SYT17: variants seen among roughly 807,000 people sequenced by gnomAD.
SYT17 encodes the protein synaptotagmin-17.
SYT17 carries 22 observed loss-of-function variants against 46.7 expected under a neutral mutation model. That is an observed-to-expected ratio of 0.47 (90% CI 0.34 to 0.67). SYT17 has a LOEUF of 0.67. SYT17 is among the 30% of genes least tolerant of loss of function. The probability of loss-of-function intolerance (pLI) is 0.01; values close to 1 mark genes in which losing one functional copy is unlikely to be tolerated. For missense variants in SYT17, 519 were observed against 612.8 expected (o/e 0.85, Z 1.62); for synonymous variants, 251 against 248.4 (o/e 1.01, Z -0.10).
intron 7 of SYT17, among the ~76,000 whole-genome samples, chr16:19,227,869 C>T (rs1383298857): frequency 6.6e-6 from 1 of 152,168 alleles, no homozygotes; most frequent in Non-Finnish European, 1.5e-5. Context: ...CCTGCCCTGG[C>T]GGAGCTTACC....
intron 7 of SYT17, among the ~76,000 whole-genome samples, chr16:19,255,469 T>C (rs1968494372): frequency 6.6e-6 from 1 of 152,042 alleles, no homozygotes; most frequent in African/African-American, 2.4e-5. Flanking sequence ...GGGGTAAAAT[T>C]GGCCCCTGTT....
chr16:19,228,584 T>C (rs1966576806), intron 7 of SYT17, among the ~76,000 whole-genome samples: 3 of 152,216 alleles, frequency 2.0e-5, no homozygotes, highest in Admixed American at 1.3e-4. Context: ...TAAGTAGCTA[T>C]TTTTTAAAAA....
intron 7 of SYT17, among the ~76,000 whole-genome samples, chr16:19,238,053 G>C (rs1596999882): frequency 6.6e-6 from 1 of 152,194 alleles, no homozygotes; most frequent in African/African-American, 2.4e-5. Context: ...GCTGTTGAGA[G>C]GAGAATCATC....
chr16:19,254,195 A>G (rs1968395617), intron 7 of SYT17, among the ~76,000 whole-genome samples: 1 of 152,080 alleles, frequency 6.6e-6, no homozygotes, highest in African/African-American at 2.4e-5. Context: ...CACAGGCACC[A>G]CCCTCTGCAA....
At chr16:19,236,955 A>G (rs1305741680) in intron 7 of SYT17, among the ~76,000 whole-genome samples, 1 of 152,196 alleles carries the variant, frequency 6.6e-6, no homozygotes, top group Admixed American at 6.5e-5. Context: ...TAGAGCCCCA[A>G]TCATAAATCA....
intron 4 of SYT17, among the ~76,000 whole-genome samples, chr16:19,180,744 A>G (rs1336452678): frequency 2.0e-5 from 3 of 152,304 alleles, no homozygotes; most frequent in South Asian, 2.1e-4. Context: ...ATCAAAAGCA[A>G]TCATTTTGAT....
At chr16:19,247,159 T>C (rs999534037) in intron 7 of SYT17, among the ~76,000 whole-genome samples, 3 of 152,160 alleles carry the variant, frequency 2.0e-5, no homozygotes, top group South Asian at 2.1e-4. Flanking sequence ...GATCAAGTGA[T>C]TGAGGTGGAG....
chr16:19,173,637 G>A lies in SYT17; in HGVS notation c.182+59G>A, dbSNP rs569335439. 14 of 1,575,996 alleles carry A rather than the reference G, an allele frequency of 8.9e-6. No individual in the cohort carries two copies. In the African/African-American group the frequency reaches 1.6e-4, roughly 18 times the overall value. ...AATTTCAAGACTTTTCCTTTTTAATGAGAAGGCGGGTTGGGGGTCTGGGCC... is the reference window on the plus strand; with the variant it reads ...AATTTCAAGACTTTTCCTTTTTAATAAGAAGGCGGGTTGGGGGTCTGGGCC... On this transcript the variant is annotated intron_variant, in intron 3 of 7. Coordinates refer to ENST00000355377, the MANE Select transcript of SYT17 (RefSeq NM_016524.4).
intron 5 of SYT17, among the ~76,000 whole-genome samples, chr16:19,222,530 C>T (rs896176557): frequency 1.3e-5 from 2 of 151,688 alleles, no homozygotes; most frequent in Non-Finnish European, 2.9e-5. Context: ...ATTTCTCACT[C>T]AGTTCCTCTG....
intron 7 of SYT17, among the ~76,000 whole-genome samples, chr16:19,227,531 A>G (rs1044448642): frequency 2.6e-5 from 4 of 151,948 alleles, no homozygotes; most frequent in Non-Finnish European, 5.9e-5. Context: ...TGGCCAGGCC[A>G]GTCTCAAACT....
At chr16:19,227,505 C>T (rs929282631) in intron 7 of SYT17, among the ~76,000 whole-genome samples, 5 of 152,088 alleles carry the variant, frequency 3.3e-5, no homozygotes, top group South Asian at 2.1e-4. Context: ...TTTGTAGAGA[C>T]GGGGTTTTAC....
Position 19,180,516 on chromosome 16 carries a change from A to C in SYT17, c.308A>C (p.Tyr103Ser). Residue 103 changes from tyrosine to serine, a missense_variant, in exon 4 of 8, where the codon TAC becomes TCC. Tyr to Ser is a moderately radical substitution (Grantham distance 144). Transcript: ENST00000355377. ...RSSSDTSKST[Y>S]SLTRRISSLE... ...TCCTCAGACACATCCAAGTCTACAT[A>C]CAGCCTGACGCGGAGGATTTCGAGT... 6.2e-7 allele frequency: 1 copy of C among 1,614,190 alleles called. No homozygotes were observed. The highest frequency in any genetic ancestry group is 8.5e-7 in the Non-Finnish European group (1 of 1,180,030).
chr16:19,184,723 G>C (rs1964713686), intron 5 of SYT17, among the ~76,000 whole-genome samples: 1 of 152,034 alleles, frequency 6.6e-6, no homozygotes, highest in Admixed American at 6.6e-5. Flanking sequence ...CCACCACTCT[G>C]GAAGCCTTTT....
intron 5 of SYT17, among the ~76,000 whole-genome samples, chr16:19,200,192 C>T (rs1392282370): frequency 6.6e-6 from 1 of 152,248 alleles, no homozygotes; most frequent in Non-Finnish European, 1.5e-5. Flanking sequence ...TCCCCATGGA[C>T]TTCTCTCTAG....
chr16:19,227,926 A>G (rs1053028778), intron 7 of SYT17, among the ~76,000 whole-genome samples: 2 of 152,196 alleles, frequency 1.3e-5, no homozygotes, highest in Non-Finnish European at 2.9e-5. Context: ...GGTTTAATTA[A>G]CAATGAATGT....
In SYT17 at chr16:19,168,390, C is replaced by CG. The variant is rs965089401; in HGVS notation, c.-252dup. ...CACGGGACAGCGAGGGAGGCCGAGGCGGGGGCCCTGGGCGCCCGATATCTC... is the reference window on the plus strand; with the variant it reads ...CACGGGACAGCGAGGGAGGCCGAGGCGGGGGGCCCTGGGCGCCCGATATCTC... On this transcript the variant is annotated 5_prime_UTR_variant, in exon 1 of 8. Transcript: ENST00000355377. This position sits in a 1 kb window ranked among gnomAD's most constrained non-coding sequence, Gnocchi z 6.9. The CG allele has an allele frequency of 3.6e-6, 2 of 554,036 alleles. No homozygotes were observed. Among genetic ancestry groups the CG allele is most frequent in the Non-Finnish European group, 6.3e-6 (2 of 316,586 alleles). The allele number at this position is 554,036 out of a possible 1,614,324, so 34.3% of individuals were successfully genotyped here. A position where few individuals can be genotyped will look rare whatever the true frequency, so the allele number is the denominator to read the frequency against.
chr16:19,204,344 G>A (rs1965583446), intron 5 of SYT17, among the ~76,000 whole-genome samples: 1 of 152,116 alleles, frequency 6.6e-6, no homozygotes, highest in Admixed American at 6.5e-5. Flanking sequence ...TAGATGTGGT[G>A]GGGGAGGGAT....
chr16:19,196,139 CA>C lies in SYT17; in HGVS notation c.951+11994del, dbSNP rs578166198. Among the ~76,000 whole-genome samples, 32 of 152,144 alleles carry C rather than the reference CA, an allele frequency of 2.1e-4. No homozygotes were observed. The East Asian group carries it at 6.2e-3, about 29-fold the overall frequency. ...ACCAAGAAGGAGGGAGATTGAGACA[CA>C]ATTGAGGTTGAAACCAGAAGGAATT... is the stretch of plus-strand genomic sequence containing the variant. On this transcript the variant is annotated intron_variant, in intron 5 of 7. Transcript: ENST00000355377.
Position 19,211,596 on chromosome 16 carries a change from T to C in SYT17, c.952-11449T>C, listed in dbSNP as rs1021431987. The stretch of plus-strand genomic sequence containing the variant: ...TTGAGATTCCCAGGGAATAGCAAGT[T>C]CAAGCCTTGGGGCAGGTACGATCTT... On this transcript the variant is annotated intron_variant, in intron 5 of 7. Transcript: ENST00000355377. 9.4e-6 allele frequency: 6 copies of C among 638,944 alleles called. No individual in the cohort carries two copies. The African/African-American group carries it at 1.1e-4, about 12-fold the overall frequency. 39.6% of individuals were successfully genotyped at this position (638,944 alleles called of 1,614,324 possible). A position where few individuals can be genotyped will look rare whatever the true frequency, so the allele number is the denominator to read the frequency against.
Sources: gnomAD v4.1 joint callset for allele counts (sites outside exome capture counted in the v4.1 genomes callset) on GRCh38, gnomAD v4.1.1 for gene constraint, Gnocchi (gnomAD v3.1) non-coding constraint, MANE v1.5 for transcripts, NCBI Gene and HGNC (gene_info 2026-07-23, HGNC 2026-07-21) for gene names.